GABRB3: variants seen among roughly 807,000 people sequenced by gnomAD.
The protein encoded by GABRB3 is gamma-aminobutyric acid receptor subunit beta-3.
In GABRB3, 14 loss-of-function variants were observed where a neutral mutation model predicts 52.1. The ratio of observed to expected loss-of-function variants is 0.27; its 90% CI spans 0.18 to 0.42. GABRB3 has a LOEUF of 0.42. Ranked by LOEUF, GABRB3 falls within the 10% of genes least tolerant of loss-of-function variation. The probability of loss-of-function intolerance (pLI) is 1.00; values close to 1 mark genes in which losing one functional copy is unlikely to be tolerated. For missense variants in GABRB3, 307 were observed against 609.1 expected, an observed-to-expected ratio of 0.50 and a Z score of 5.22; for synonymous variants, 260 against 232.3, an observed-to-expected ratio of 1.12 and a Z score of -1.08.
At chr15:26,730,386 C>A (rs887396150) in intron 3 of GABRB3, among the ~76,000 whole-genome samples, 1 of 144,652 alleles carries the variant, frequency 6.9e-6, no homozygotes, top group Non-Finnish European at 1.5e-5. Flanking sequence ...CCACTGCACT[C>A]CAGCCTGGGC....
Position 26,772,422 on chromosome 15 carries a change from T to G in GABRB3, c.220A>C (p.Met74Leu). 6.2e-7 allele frequency: 1 copy of G among 1,610,466 alleles called. No individual in the cohort carries two copies. The highest frequency in any genetic ancestry group is 1.1e-5 in the South Asian group (1 of 90,614). The change falls in exon 3 of 9, where the codon ATG becomes CTG. Residue 74 changes from methionine to leucine, a missense_variant. Met to Leu is a conservative substitution (Grantham distance 15, BLOSUM62 2). This residue lies in a region of GABRB3 where 31 missense variants were observed against 71.2 expected (regional missense o/e 0.44). Transcript: ENST00000311550. Reference sequence around the variant, plus strand: ...CTCACCATGTTGACTTCGGAAACCATGTCGATGCTGGCGATGTCGATGTTC... The same window carrying G: ...CTCACCATGTTGACTTCGGAAACCAGGTCGATGCTGGCGATGTCGATGTTC... ...GMNIDIASID[M>L]VSEVNMDYTL...
rs3046055 is a variant in GABRB3, at chr15:26,609,103, T to C, written c.461+12211A>G. The stretch of plus-strand genomic sequence containing the variant: ...AATGATACACACACACACACACACA[T>C]ACACACACACACACACACACACACA... On this transcript the variant is annotated intron_variant, in intron 4 of 8. Transcript: ENST00000311550. Among the ~76,000 whole-genome samples, 70 of 143,366 alleles carry C rather than the reference T, an allele frequency of 4.9e-4. 1 individual carries two copies. Among genetic ancestry groups the C allele is most frequent in the Middle Eastern group, 3.5e-3 (1 of 284 alleles). The allele number at this position is 143,366 out of a possible 152,430, so 94.1% of individuals were successfully genotyped here.
intron 3 of GABRB3, among the ~76,000 whole-genome samples, chr15:26,749,760 G>T (rs1316798323): frequency 6.6e-6 from 1 of 152,090 alleles, no homozygotes; most frequent in Non-Finnish European, 1.5e-5. Flanking sequence ...CTTTTTTGTT[G>T]GTGTTTGTTT....
chr15:26,633,567 G>GC (rs1892964187), intron 3 of GABRB3, among the ~76,000 whole-genome samples: 1 of 152,102 alleles, frequency 6.6e-6, no homozygotes, highest in Admixed American at 6.6e-5. Flanking sequence ...TTCACCGGCA[G>GC]CCCCTTCCTC....
chr15:26,745,912 G>A (rs576724347), intron 3 of GABRB3, among the ~76,000 whole-genome samples: 18 of 152,264 alleles, frequency 1.2e-4, no homozygotes, highest in South Asian at 2.1e-4. Context: ...GTGAACATTC[G>A]TTTATAGGTT....
chr15:26,726,231 T>A lies in GABRB3; in HGVS notation c.240+46171A>T, dbSNP rs1595553777. Among the ~76,000 whole-genome samples the A allele has an allele frequency of 2.6e-5, 4 of 152,158 alleles. 1 individual carries two copies. Among genetic ancestry groups the A allele is most frequent in the Admixed American group, 2.6e-4 (4 of 15,278 alleles). ...TGGTATCATGTCAGCACTAAAAATGTTTCAGATTTTGGAACATTTTAAATT... is the reference window on the plus strand; with the variant it reads ...TGGTATCATGTCAGCACTAAAAATGATTCAGATTTTGGAACATTTTAAATT... On this transcript the variant is annotated intron_variant, in intron 3 of 8. Coordinates refer to ENST00000311550, the MANE Select transcript of GABRB3 (RefSeq NM_000814.6).
chr15:26,756,314 A>T (rs1240150201), intron 3 of GABRB3, among the ~76,000 whole-genome samples: 1 of 152,070 alleles, frequency 6.6e-6, no homozygotes, highest in East Asian at 1.9e-4. Context: ...TCACACCTGT[A>T]ATCCCAGCAC....
intron 3 of GABRB3, among the ~76,000 whole-genome samples, chr15:26,671,890 A>T (rs1887909325): frequency 6.6e-6 from 1 of 152,152 alleles, no homozygotes; most frequent in East Asian, 1.9e-4. Flanking sequence ...ACTGTCTCAA[A>T]GAGTTTGAGC....
At chr15:26,569,606 C>T (rs980583697) in intron 6 of GABRB3, among the ~76,000 whole-genome samples, 6 of 152,200 alleles carry the variant, frequency 3.9e-5, no homozygotes, top group Admixed American at 2.0e-4. Flanking sequence ...TGTGCAGAGC[C>T]GGTTTTCCAT....
At chr15:26,679,983 G>A (rs1162203346) in intron 3 of GABRB3, among the ~76,000 whole-genome samples, 1 of 152,142 alleles carries the variant, frequency 6.6e-6, no homozygotes, top group East Asian at 1.9e-4. Flanking sequence ...TCATTTTGTT[G>A]GGTAGGCTAT....
intron 5 of GABRB3, 69 bp downstream of exon 5, chr15:26,583,263 T>C (rs932286059): frequency 1.8e-5 from 23 of 1,300,664 alleles, no homozygotes; most frequent in Middle Eastern, 1.8e-4. Context: ...TGAAAAAAGA[T>C]GCTAAATAAT....
At chr15:26,575,616 A>C (rs1190822838) in intron 6 of GABRB3, among the ~76,000 whole-genome samples, 1 of 152,196 alleles carries the variant, frequency 6.6e-6, no homozygotes, top group Non-Finnish European at 1.5e-5. Context: ...TGGACTCTTA[A>C]AGAGAAAGCT....
At chr15:26,675,180 G>A (rs1341042029) in intron 3 of GABRB3, among the ~76,000 whole-genome samples, 4 of 152,160 alleles carry the variant, frequency 2.6e-5, no homozygotes, top group Non-Finnish European at 5.9e-5. Context: ...TCATAGCACT[G>A]CTATTTCTTT....
intron 3 of GABRB3, among the ~76,000 whole-genome samples, chr15:26,655,387 T>G (rs1395876901): frequency 1.3e-5 from 2 of 152,190 alleles, no homozygotes; most frequent in Admixed American, 1.3e-4. Flanking sequence ...TTCCACATTA[T>G]TATTTTGTAG....
At chr15:26,569,194 GTATGACTA>G (rs1364876533) in intron 6 of GABRB3, 13 of 152,076 alleles carry the variant, frequency 8.5e-5, no homozygotes, top group Non-Finnish European at 1.8e-4. Context: ...TGATTCACTC[GTATGACTA>G]CTACCATTAT....
intron 3 of GABRB3, among the ~76,000 whole-genome samples, chr15:26,661,599 G>A (rs979627197): frequency 5.3e-5 from 8 of 152,256 alleles, no homozygotes; most frequent in South Asian, 2.1e-4. Context: ...GCACAGTAGC[G>A]TGCAGGGAAA....
chr15:26,622,785 G>A lies in GABRB3; in HGVS notation c.241-1251C>T, dbSNP rs535241216. Among the ~76,000 whole-genome samples, 4 of 152,264 alleles carry A rather than the reference G, an allele frequency of 2.6e-5. No homozygotes were observed. In the East Asian group the frequency reaches 5.8e-4, roughly 22 times the overall value. Reference sequence around the variant, plus strand: ...GGCTTAGGGACTGATAGAGGACATCGATTTGTCTTCAGATGCTTGCCACAA... The same window carrying A: ...GGCTTAGGGACTGATAGAGGACATCAATTTGTCTTCAGATGCTTGCCACAA... On this transcript the variant is annotated intron_variant, in intron 3 of 8. Transcript: ENST00000311550.
At chr15:26,752,747 C>T (rs1890551434) in intron 3 of GABRB3, among the ~76,000 whole-genome samples, 1 of 151,916 alleles carries the variant, frequency 6.6e-6, no homozygotes. Context: ...ATTTAAAATC[C>T]CCTCTTGGCA....
intron 3 of GABRB3, among the ~76,000 whole-genome samples, chr15:26,769,532 G>T (rs1339750195): frequency 6.6e-6 from 1 of 152,140 alleles, no homozygotes; most frequent in East Asian, 1.9e-4. Flanking sequence ...GTGCACAGGG[G>T]TTTGTCTTGC....
Sources: allele counts gnomAD v4.1 joint callset (sites outside exome capture counted in the v4.1 genomes callset), GRCh38; gene constraint gnomAD v4.1.1; regional missense constraint gnomAD v4.1.1; transcripts MANE v1.5; gene names NCBI Gene and HGNC (gene_info 2026-07-23, HGNC 2026-07-21).